Variants in NLN observed in about 807,000 individuals in gnomAD.
NLN encodes neurolysin.
In NLN, 64 loss-of-function variants were observed where a neutral mutation model predicts 79.9. The observed-to-expected ratio is 0.80, with a 90% CI of 0.65 to 0.99. NLN has a LOEUF of 0.99. NLN is among the 50% of genes least tolerant of loss of function. The pLI is 0.00. For missense variants in NLN, 835 were observed against 858.7 expected (o/e 0.97, Z 0.34); for synonymous variants, 267 against 296.6 (o/e 0.90, Z 1.02).
At chr5:65,724,969 T>A (rs1041939533) in intron 1 of NLN, among the ~76,000 whole-genome samples, 9 of 146,062 alleles carry the variant, frequency 6.2e-5, no homozygotes, top group Non-Finnish European at 1.4e-4. Flanking sequence ...GCCCGGCTAA[T>A]TTTTTTTTTT....
chr5:65,768,585 A>G (rs1349203118), intron 3 of NLN, among the ~76,000 whole-genome samples: 1 of 152,250 alleles, frequency 6.6e-6, no homozygotes. Flanking sequence ...ATAACAAAAT[A>G]CCATAGACTG....
intron 1 of NLN, among the ~76,000 whole-genome samples, chr5:65,751,199 T>C (rs920641000): frequency 7.9e-5 from 12 of 152,262 alleles, no homozygotes; most frequent in Middle Eastern, 3.4e-3. Context: ...CTGCAAACCA[T>C]GTAGTACAAC....
intron 4 of NLN, among the ~76,000 whole-genome samples, chr5:65,779,117 G>A (rs10073950): frequency 0.11 from 16,593 of 152,192 alleles, 1,561 homozygotes; most frequent in African/African-American, 0.25. Context: ...CAGTGCGTTA[G>A]GTCAGTAGTC....
rs1465645814 is a variant in NLN at position 65,809,674 on chromosome 5, C to T, written c.1687C>T (p.Leu563Phe). The T allele has an allele frequency of 1.2e-6, 2 of 1,610,738 alleles. No individual in the cohort carries two copies. The change falls in exon 10 of 13, where the codon CTT becomes TTT. Residue 563 changes from leucine (L) to phenylalanine (F), a missense_variant. Leu to Phe is a conservative substitution (Grantham distance 22). Coordinates refer to ENST00000380985, the MANE Select transcript of NLN (RefSeq NM_020726.5). ...SPIADDLLEK[L>F]VASRLVNTGL... is the part of the protein sequence containing the mutation. ...TATTGCAGACGATCTGCTTGAAAAA[C>T]TTGTTGCTTCTAGGCTGGTCAACAC...
chr5:65,765,250 G>T (rs1188714828), intron 3 of NLN, among the ~76,000 whole-genome samples: 2 of 152,212 alleles, frequency 1.3e-5, no homozygotes, highest in African/African-American at 4.8e-5. Context: ...AGGTGCGGTG[G>T]CTCACGCCTG....
chr5:65,724,789 G>GTTTCTTTTTTT (rs1389349404), intron 1 of NLN, among the ~76,000 whole-genome samples: 1 of 143,872 alleles, frequency 7.0e-6, no homozygotes, highest in Non-Finnish European at 1.5e-5. Flanking sequence ...GAGTGGCATT[G>GTTTCTTTTTTT]TTTCTTTTTT....
intron 9 of NLN, 98 bp from the exon 10 acceptor site, chr5:65,809,417 C>A: frequency 1.0e-6 from 1 of 968,022 alleles, no homozygotes; most frequent in Non-Finnish European, 1.5e-6. Flanking sequence ...ACAGTTGAGT[C>A]TGATTCTGCC....
intron 3 of NLN, among the ~76,000 whole-genome samples, chr5:65,774,160 C>T (rs1434721668): frequency 6.7e-6 from 1 of 148,458 alleles, no homozygotes; most frequent in Non-Finnish European, 1.5e-5. Context: ...TATAATCATA[C>T]TTGTGAGAGA....
At chr5:65,766,624 A>G (rs1431994615) in intron 3 of NLN, among the ~76,000 whole-genome samples, 1 of 152,166 alleles carries the variant, frequency 6.6e-6, no homozygotes, top group African/African-American at 2.4e-5. Context: ...ACATTTCAAA[A>G]CCAATCATGC....
intron 9 of NLN, among the ~76,000 whole-genome samples, chr5:65,798,067 C>T (rs768481707): frequency 6.6e-6 from 1 of 152,038 alleles, no homozygotes; most frequent in Admixed American, 6.6e-5. Flanking sequence ...GAAAGACAAG[C>T]GAAAGACAAG....
At chr5:65,723,282 A>C (rs1002351646) in intron 1 of NLN, among the ~76,000 whole-genome samples, 2 of 152,232 alleles carry the variant, frequency 1.3e-5, no homozygotes, top group Non-Finnish European at 2.9e-5. Flanking sequence ...TCCCTTTTGC[A>C]CATTGCCACT....
intron 1 of NLN, among the ~76,000 whole-genome samples, chr5:65,729,830 C>T (rs753265845): frequency 1.3e-5 from 2 of 152,144 alleles, no homozygotes; most frequent in Non-Finnish European, 2.9e-5. Flanking sequence ...ATATGAAGAA[C>T]CAAGGAAACT....
At chr5:65,777,591 T>C (rs974498294) in intron 4 of NLN, 57 bp downstream of exon 4, 10 of 1,174,488 alleles carry the variant, frequency 8.5e-6, no homozygotes, top group Middle Eastern at 1.9e-4. Context: ...TAAAACAAAA[T>C]ACTGGTTGAA....
rs545616791 is a variant in NLN, at chr5:65,733,661, G to C, written c.41+11247G>C. The C allele has an allele frequency of 5.4e-6, 8 of 1,471,198 alleles. 2 individuals are homozygous for C. In the African/African-American group the frequency reaches 1.2e-4, roughly 22 times the overall value. The allele number at this position is 1,471,198 out of a possible 1,614,324, so 91.1% of individuals were successfully genotyped here. A position where few individuals can be genotyped will look rare whatever the true frequency, so the allele number is the denominator to read the frequency against. On this transcript the variant is annotated intron_variant, in intron 1 of 12. Coordinates refer to ENST00000380985, the MANE Select transcript of NLN (RefSeq NM_020726.5). ...ACCTCCATCTTTGCTCTTAGGGAAG[G>C]CCTGATTAGTGGGATGGATACGCTT...
intron 6 of NLN, 74 bp from the exon 7 acceptor site, chr5:65,785,701 A>G (rs1046468716): frequency 2.5e-6 from 3 of 1,194,146 alleles, no homozygotes; most frequent in Middle Eastern, 2.0e-4. Flanking sequence ...AAATACATAC[A>G]GTAATTCTTC....
intron 1 of NLN, among the ~76,000 whole-genome samples, chr5:65,752,834 T>G (rs1444972305): frequency 7.9e-5 from 12 of 152,232 alleles, no homozygotes. Flanking sequence ...TAACAAGAAC[T>G]GTGAATCCTG....
chr5:65,724,911 C>G (rs1758429179), intron 1 of NLN, among the ~76,000 whole-genome samples: 1 of 151,848 alleles, frequency 6.6e-6, no homozygotes, highest in South Asian at 2.1e-4. Context: ...ACGCCATTCC[C>G]CTGCCTCAGC....
chr5:65,788,971 CAA>C (rs112683530), intron 8 of NLN, among the ~76,000 whole-genome samples: 2 of 138,304 alleles, frequency 1.4e-5, no homozygotes, highest in Admixed American at 7.3e-5. Context: ...GACCCTGTCT[CAA>C]AAAAAAAAAA....
At chr5:65,802,204 C>G (rs1261660784) in intron 9 of NLN, among the ~76,000 whole-genome samples, 1 of 152,216 alleles carries the variant, frequency 6.6e-6, no homozygotes, top group Non-Finnish European at 1.5e-5. Flanking sequence ...GGCCTGGATC[C>G]CATGCCTGCC....
Sources: allele counts gnomAD v4.1 joint callset (sites outside exome capture counted in the v4.1 genomes callset), GRCh38; gene constraint gnomAD v4.1.1; transcripts MANE v1.5; gene names NCBI Gene and HGNC (gene_info 2026-07-23, HGNC 2026-07-21).